The following ESRRB variants were observed in gnomAD, a reference collection of about 807,000 sequenced individuals.
ESRRB encodes steroid hormone receptor ERR2.
Under a neutral mutation model 46.0 loss-of-function variants are expected in ESRRB, and 16 were observed. The ratio of observed to expected loss-of-function variants is 0.35; its 90% CI spans 0.24 to 0.53. The LOEUF is 0.53. Ranked by LOEUF, ESRRB falls within the 20% of genes least tolerant of loss-of-function variation. The pLI, the probability that ESRRB is intolerant of heterozygous loss-of-function variation, is 0.93. For missense variants in ESRRB, 488 were observed against 607.4 expected, an observed-to-expected ratio of 0.80 and a Z score of 2.07; for synonymous variants, 246 against 259.6, an observed-to-expected ratio of 0.95 and a Z score of 0.50.
intron 1 of ESRRB, among the ~76,000 whole-genome samples, chr14:76,409,122 C>T (rs1886325748): frequency 6.6e-6 from 1 of 152,194 alleles, no homozygotes; most frequent in Admixed American, 6.5e-5. Flanking sequence ...CTGACAGTTT[C>T]TTGGACAGAT....
In ESRRB at chr14:76,500,567, C is replaced by G; in HGVS notation, c.*2109C>G. 1 of 905,108 alleles carries G rather than the reference C, an allele frequency of 1.1e-6. No homozygotes were observed. Among genetic ancestry groups the G allele is most frequent in the Admixed American group, 1.7e-5 (1 of 57,662 alleles). The allele number at this position is 905,108 out of a possible 1,614,324, so 56.1% of individuals were successfully genotyped here. On this transcript the variant is annotated 3_prime_UTR_variant, in exon 7 of 7. Coordinates refer to ENST00000644823, the MANE Select transcript of ESRRB (RefSeq NM_001379180.1). ...GTGTGTGCTTTGGGACTCCCTCAGT[C>G]TCTCACTGTGCTGTGTCCTTGCAGC...
intron 1 of ESRRB, among the ~76,000 whole-genome samples, chr14:76,347,056 TG>T (rs919587917): frequency 2.0e-5 from 3 of 152,084 alleles, no homozygotes; most frequent in African/African-American, 7.2e-5. Flanking sequence ...TAGCAGGAAG[TG>T]AGGTTTCTCT....
rs148301985 is a variant in ESRRB at position 76,431,271 on chromosome 14, A to G, written c.51-8070A>G. On this transcript the variant is annotated intron_variant, in intron 1 of 6. Transcript: ENST00000644823. ...ATGGAGCTACTGCACTCCAGCCTGG[A>G]TGACAGAACAAGACTCCATCTCAAA... Among the ~76,000 whole-genome samples the G allele has an allele frequency of 4.2e-3, 635 of 152,292 alleles. 2 individuals carry two copies. Among genetic ancestry groups the G allele is most frequent in the African/African-American group, 0.014 (591 of 41,564 alleles).
chr14:76,473,577 G>A (rs2921451), intron 3 of ESRRB, among the ~76,000 whole-genome samples: 59,699 of 152,146 alleles, frequency 0.39, 11,817 homozygotes, highest in Middle Eastern at 0.5. Context: ...TAGTGCCCGG[G>A]TGTAAAAGAA....
At position 76,490,298 on chromosome 14, in the gene ESRRB, A is replaced by G. The variant is rs565893041; in HGVS notation, c.851-1149A>G. 2.6e-5 allele frequency among the ~76,000 whole-genome samples: 4 copies of G among 152,312 alleles called. No homozygotes were observed. In the East Asian group the frequency reaches 7.7e-4, roughly 29 times the overall value. On this transcript the variant is annotated intron_variant, in intron 5 of 6. Transcript: ENST00000644823. ...AAGATGCTTGAAAATCAGCTGACTT[A>G]TTTATTTACTTACTCTCTCTTACTC...
intron 1 of ESRRB, among the ~76,000 whole-genome samples, chr14:76,431,971 G>A (rs775506852): frequency 3.3e-5 from 5 of 152,168 alleles, no homozygotes; most frequent in East Asian, 1.9e-4. Context: ...AGGCCTAGAC[G>A]CCGTCTCCCA....
intron 1 of ESRRB, among the ~76,000 whole-genome samples, chr14:76,380,216 T>C (rs1884953355): frequency 1.3e-5 from 2 of 152,180 alleles, no homozygotes; most frequent in African/African-American, 4.8e-5. Flanking sequence ...CTTGTTTCTT[T>C]TGAGCAAAGA....
intron 2 of ESRRB, among the ~76,000 whole-genome samples, chr14:76,441,620 T>A (rs192852548): frequency 9.8e-5 from 15 of 152,358 alleles, no homozygotes; most frequent in Admixed American, 7.2e-4. Flanking sequence ...GCCTCGCCGA[T>A]AGCTGTGACT....
chr14:76,439,167 A>T (rs1887800518), intron 1 of ESRRB, among the ~76,000 whole-genome samples, 174 bp from the exon 2 acceptor site: 1 of 152,218 alleles, frequency 6.6e-6, no homozygotes, highest in Non-Finnish European at 1.5e-5. Context: ...AGGTAATGCC[A>T]GAAACTTGCT....
intron 1 of ESRRB, among the ~76,000 whole-genome samples, chr14:76,334,661 G>T (rs1404198789): frequency 6.6e-6 from 1 of 152,176 alleles, no homozygotes; most frequent in African/African-American, 2.4e-5. Context: ...GGGGTGGCTG[G>T]CCCCGAAGAC....
chr14:76,443,085 G>C (rs1182743970), intron 2 of ESRRB, among the ~76,000 whole-genome samples: 1 of 151,504 alleles, frequency 6.6e-6, no homozygotes, highest in African/African-American at 2.4e-5. Flanking sequence ...CAAAGTGCTG[G>C]GATTACAGGC....
rs550801966 is a variant in ESRRB, at chr14:76,431,171, T to C, written c.51-8170T>C. Among the ~76,000 whole-genome samples, 7 of 152,312 alleles carry C rather than the reference T, an allele frequency of 4.6e-5. No individual in the cohort carries two copies. The East Asian group carries it at 1.3e-3, about 29-fold the overall frequency. On this transcript the variant is annotated intron_variant, in intron 1 of 6. Transcript: ENST00000644823. ...TTAGCCAGGCATGGGGGCACACGCC[T>C]GTAGTTCCAGCTACTCAGGAGGCTG...
At position 76,498,637 on chromosome 14, in the gene ESRRB, GGACGGGGA is replaced by G; in HGVS notation, c.*180_*187del. The G allele has an allele frequency of 1.6e-6, 2 of 1,242,156 alleles. No homozygotes were observed. Among genetic ancestry groups the G allele is most frequent in the East Asian group, 3.5e-5 (1 of 28,556 alleles). The allele number at this position is 1,242,156 out of a possible 1,614,324, so 76.9% of individuals were successfully genotyped here. On this transcript the variant is annotated 3_prime_UTR_variant, in exon 7 of 7. Transcript: ENST00000644823. The stretch of plus-strand genomic sequence containing the variant: ...AGACTCCCGGGTGCAGTGGGGTGGG[GGACGGGGA>G]TGGGGGGGCAGGGGTGTGGGGCTCG...
chr14:76,439,329 T>C lies in ESRRB; in HGVS notation c.51-12T>C, dbSNP rs1039121450. On this transcript the variant is annotated splice_polypyrimidine_tract_variant and intron_variant, in intron 1 of 6. Coordinates refer to ENST00000644823, the MANE Select transcript of ESRRB (RefSeq NM_001379180.1). ...ACCTTGCTGGGGCTGACTTCCCGAT[T>C]TGTGTCCACAGGCTGCTGAACAGGA... 3.1e-6 allele frequency: 5 copies of C among 1,613,650 alleles called. No individual in the cohort carries two copies. Among genetic ancestry groups the C allele is most frequent in the Non-Finnish European group, 4.2e-6 (5 of 1,180,020 alleles).
chr14:76,499,609 A>G lies in ESRRB; in HGVS notation c.*1151A>G. Reference sequence around the variant, plus strand: ...GCCACAGGAGGGGTGCCCTCCTACCACACTTGGGCTACCAGAGGTTTGGTG... The same window carrying G: ...GCCACAGGAGGGGTGCCCTCCTACCGCACTTGGGCTACCAGAGGTTTGGTG... On this transcript the variant is annotated 3_prime_UTR_variant, in exon 7 of 7. Transcript: ENST00000644823. 1.8e-6 allele frequency: 1 copy of G among 559,744 alleles called. No homozygotes were observed. Among genetic ancestry groups the G allele is most frequent in the Non-Finnish European group, 3.2e-6 (1 of 309,534 alleles). The allele number at this position is 559,744 out of a possible 1,614,324, so 34.7% of individuals were successfully genotyped here.
At chr14:76,466,969 C>T (rs768495604) in intron 3 of ESRRB, among the ~76,000 whole-genome samples, 2 of 152,006 alleles carry the variant, frequency 1.3e-5, no homozygotes, top group Non-Finnish European at 2.9e-5. Context: ...ATCTGCCCGC[C>T]TCAGCCTCCC....
intron 2 of ESRRB, among the ~76,000 whole-genome samples, chr14:76,449,748 CTT>C (rs143961938): frequency 1.4e-5 from 2 of 143,716 alleles, no homozygotes; most frequent in African/African-American, 5.3e-5. Context: ...AATTTTCTCT[CTT>C]TTTTTCTTTC....
chr14:76,336,741 TTCAC>T (rs940211759), intron 1 of ESRRB, among the ~76,000 whole-genome samples: 5 of 152,318 alleles, frequency 3.3e-5, no homozygotes, highest in African/African-American at 1.2e-4. Context: ...ATACCCACTC[TTCAC>T]TCACTCACGC....
At chr14:76,356,810 A>G (rs1165135542) in intron 1 of ESRRB, among the ~76,000 whole-genome samples, 1 of 152,204 alleles carries the variant, frequency 6.6e-6, no homozygotes, top group Non-Finnish European at 1.5e-5. Context: ...TTGTTCTGCG[A>G]GGCTGGATTC....
Sources: allele counts gnomAD v4.1 joint callset (sites outside exome capture counted in the v4.1 genomes callset), GRCh38; gene constraint gnomAD v4.1.1; transcripts MANE v1.5; gene names NCBI Gene and HGNC (gene_info 2026-07-23, HGNC 2026-07-21).